TRIM37: variants seen among roughly 807,000 people sequenced by gnomAD.
TRIM37 encodes tripartite motif containing 37, also known as E3 ubiquitin-protein ligase TRIM37.
In TRIM37, 80 loss-of-function variants were observed where a neutral mutation model predicts 129.8. That is an observed-to-expected ratio of 0.62 (90% CI 0.51 to 0.74). The LOEUF (loss-of-function observed/expected upper bound fraction) is 0.74. TRIM37 is among the 30% of genes least tolerant of loss of function. TRIM37 has a pLI of 0.00. For synonymous variants in TRIM37, 389 were observed against 387.1 expected, an observed-to-expected ratio of 1.00 and a Z score of -0.06; for missense variants, 1,054 against 1,176.5, an observed-to-expected ratio of 0.90 and a Z score of 1.52.
chr17:59,067,623 ATTGTATCTTTTAT>A, intron 9 of TRIM37, among the ~76,000 whole-genome samples: 1 of 152,224 alleles, frequency 6.6e-6, no homozygotes, highest in South Asian at 2.1e-4. Flanking sequence ...CAGCTATACT[ATTGTATCTTTTAT>A]TTTTTCTTTT....
chr17:59,017,314 A>T lies in TRIM37; in HGVS notation c.2368T>A (p.Cys790Ser), dbSNP rs766715231. ...PGENSRSKGD[C>S]QTLSEGSPGS... is the part of the protein sequence containing the mutation. ...AATTTACCTTCAGACAGAGTCTGAC[A>T]GTCTCCCTTTGAACGACTATTTTCT... Residue 790 changes from cysteine to serine, a missense_variant, in exon 20 of 24, where the codon TGT becomes AGT. Cys to Ser is a moderately radical substitution (Grantham distance 112). Around this residue, in one of 3 missense-constraint regions of TRIM37, gnomAD observed 287 missense variants for 274.3 expected, o/e 1.05. Transcript: ENST00000262294. 6 of 1,614,180 alleles carry T rather than the reference A, an allele frequency of 3.7e-6. No homozygotes were observed. The Admixed American group carries it at 8.3e-5, about 22-fold the overall frequency.
intron 3 of TRIM37, chr17:59,090,049 G>C (rs1228851006): frequency 6.6e-6 from 1 of 152,064 alleles, no homozygotes; most frequent in African/African-American, 2.4e-5. Context: ...GCAGTGAGCT[G>C]AAATCACGCC....
chr17:59,066,595 G>A (rs1438882180), intron 9 of TRIM37, among the ~76,000 whole-genome samples: 1 of 152,176 alleles, frequency 6.6e-6, no homozygotes, highest in Non-Finnish European at 1.5e-5. Flanking sequence ...CATGAACCAA[G>A]AGAGTACAGT....
intron 22 of TRIM37, among the ~76,000 whole-genome samples, chr17:59,009,376 C>T (rs2034956066): frequency 6.6e-6 from 1 of 151,884 alleles, no homozygotes; most frequent in Middle Eastern, 3.2e-3. Flanking sequence ...GATCTGCCCA[C>T]CTCGGCCTTC....
At position 59,017,625 on chromosome 17, in the gene TRIM37, C is replaced by CT. The variant is rs542375011; in HGVS notation, c.2258-202dup. Among the ~76,000 whole-genome samples the CT allele has an allele frequency of 0.019, 2,852 of 146,550 alleles. 37 individuals are homozygous for CT. The highest frequency in any genetic ancestry group is 0.029 in the Non-Finnish European group (1,895 of 66,078). On this transcript the variant is annotated intron_variant, in intron 19 of 23. Transcript: ENST00000262294. ...CATCTTGTTGCTTGTAGAGCAGAATCTTTTTTTTTTTTCCCCCAGATGGAG... is the reference window on the plus strand; with the variant it reads ...CATCTTGTTGCTTGTAGAGCAGAATCTTTTTTTTTTTTTCCCCCAGATGGAG...
chr17:58,973,718 T>C, the TRIM37 span, among the ~76,000 whole-genome samples: 3 of 151,886 alleles, frequency 2.0e-5, no homozygotes, highest in African/African-American at 7.3e-5. Context: ...TTTGGGAGGC[T>C]GAGGTGGGCA....
the TRIM37 span, among the ~76,000 whole-genome samples, chr17:58,971,037 A>G: frequency 6.6e-6 from 1 of 151,908 alleles, no homozygotes; most frequent in African/African-American, 2.4e-5. Flanking sequence ...GGTGTCTCTC[A>G]GTTCTGCCAA....
intron 24 of TRIM37, among the ~76,000 whole-genome samples, chr17:58,986,504 CTT>C (rs530928011): frequency 1.2e-3 from 152 of 124,974 alleles, no homozygotes; most frequent in African/African-American, 4.0e-3. Flanking sequence ...TTCCATCTGT[CTT>C]TTTTTTTTTT....
At chr17:59,069,192 C>G (rs1050026899) in intron 9 of TRIM37, among the ~76,000 whole-genome samples, 1 of 151,788 alleles carries the variant, frequency 6.6e-6, no homozygotes, top group East Asian at 1.9e-4. Context: ...ACTAAAAATA[C>G]AAAACTTAGC....
At position 59,061,101 on chromosome 17, in the gene TRIM37, T is replaced by C. The variant is rs794727067; in HGVS notation, c.950A>G (p.Asn317Ser). 3.1e-6 allele frequency: 5 copies of C among 1,613,338 alleles called. No individual in the cohort carries two copies. Among genetic ancestry groups the C allele is most frequent in the Non-Finnish European group, 4.2e-6 (5 of 1,179,600 alleles). The change falls in exon 12 of 24, where the codon AAT becomes AGT. Residue 317 changes from asparagine to serine, a missense_variant. Asn to Ser is a conservative substitution (Grantham distance 46, BLOSUM62 1). Around this residue, in one of 3 missense-constraint regions of TRIM37, gnomAD observed 752 missense variants for 870.8 expected, o/e 0.86. Coordinates refer to ENST00000262294, the MANE Select transcript of TRIM37 (RefSeq NM_015294.6). ...TAAGTAGTAACCTCGCACAACTCCATTTCCATCCTAAAAGAAGAATAATCA... is the reference window on the plus strand; with the variant it reads ...TAAGTAGTAACCTCGCACAACTCCACTTCCATCCTAAAAGAAGAATAATCA... ...CWRLKVYPDGNGVVRGYYLSV... is the reference protein window; with the variant it reads ...CWRLKVYPDGSGVVRGYYLSV...
chr17:59,020,227 T>G, intron 19 of TRIM37, among the ~76,000 whole-genome samples: 1 of 46,216 alleles, frequency 2.2e-5, no homozygotes, highest in South Asian at 1.0e-3. Flanking sequence ...CGAGACTCTG[T>G]CTCAAAAAAA....
intron 12 of TRIM37, among the ~76,000 whole-genome samples, chr17:59,059,828 G>A (rs140178641): frequency 9.3e-4 from 141 of 152,226 alleles, no homozygotes; most frequent in African/African-American, 3.3e-3. Flanking sequence ...TTCTGCTATC[G>A]AGACAAAAAC....
chr17:59,023,152 T>C (rs1484849934), intron 19 of TRIM37, among the ~76,000 whole-genome samples: 1 of 152,172 alleles, frequency 6.6e-6, no homozygotes, highest in East Asian at 1.9e-4. Flanking sequence ...CTTGGCTCAC[T>C]GCAACCTCCA....
At chr17:59,095,714 C>A (rs1360147866) in intron 2 of TRIM37, among the ~76,000 whole-genome samples, 1 of 152,044 alleles carries the variant, frequency 6.6e-6, no homozygotes, top group Non-Finnish European at 1.5e-5. Flanking sequence ...ATGCTAAATA[C>A]TTTCTGGGGT....
intron 24 of TRIM37, among the ~76,000 whole-genome samples, chr17:58,991,564 G>A (rs2032412269): frequency 6.6e-6 from 1 of 152,066 alleles, no homozygotes. Flanking sequence ...CTCATTTTAT[G>A]AGGTCAGCAT....
the TRIM37 span, among the ~76,000 whole-genome samples, chr17:58,972,609 C>T: frequency 6.6e-6 from 1 of 152,144 alleles, no homozygotes; most frequent in African/African-American, 2.4e-5. Context: ...CTTCGGCCTC[C>T]CAAAGTACTG....
At chr17:59,030,821 T>C (rs1295162298) in intron 18 of TRIM37, among the ~76,000 whole-genome samples, 2 of 152,232 alleles carry the variant, frequency 1.3e-5, no homozygotes, top group African/African-American at 4.8e-5. Context: ...GATATAGATA[T>C]TTTTAAACTA....
At chr17:59,012,245 C>G (rs1345408654) in intron 22 of TRIM37, 83 bp downstream of exon 22, 82 of 884,640 alleles carry the variant, frequency 9.3e-5, no homozygotes, top group African/African-American at 2.4e-4. Context: ...ACCACCACCA[C>G]CACCACCACC....
intron 2 of TRIM37, among the ~76,000 whole-genome samples, chr17:59,094,781 C>CA (rs895064411): frequency 8.0e-5 from 12 of 150,664 alleles, no homozygotes; most frequent in East Asian, 5.8e-4. Context: ...AAAAACAAAA[C>CA]AAAAAAAAAC....
Sources: gnomAD v4.1 joint callset for allele counts (sites outside exome capture counted in the v4.1 genomes callset) on GRCh38, gnomAD v4.1.1 for gene constraint, gnomAD v4.1.1 regional missense constraint, MANE v1.5 for transcripts, NCBI Gene and HGNC (gene_info 2026-07-23, HGNC 2026-07-21) for gene names.